Variants in DOCK1 observed in about 807,000 individuals in gnomAD.
DOCK1 encodes dedicator of cytokinesis protein 1.
A neutral mutation model predicts 262.7 loss-of-function variants in DOCK1; 138 were observed. The observed-to-expected ratio is 0.53, with a 90% confidence interval of 0.46 to 0.61. The LOEUF (loss-of-function observed/expected upper bound fraction) is 0.61, where lower values mean the gene tolerates loss of function less well. DOCK1 is among the 20% of genes least tolerant of loss of function. DOCK1 has a pLI of 0.00. For synonymous variants in DOCK1, 866 were observed against 867.4 expected (o/e 1.00, Z 0.03); for missense variants, 1,908 against 2,370.7 (o/e 0.80, Z 4.05).
intron 1 of DOCK1, among the ~76,000 whole-genome samples, chr10:126,906,489 C>T (rs958466096): frequency 1.3e-5 from 2 of 152,180 alleles, no homozygotes; most frequent in Non-Finnish European, 2.9e-5. Context: ...GGGATCTTCC[C>T]AGTTGGTTTT....
At chr10:127,026,757 C>T (rs1353319993) in intron 16 of DOCK1, among the ~76,000 whole-genome samples, 1 of 152,188 alleles carries the variant, frequency 6.6e-6, no homozygotes, top group African/African-American at 2.4e-5. Context: ...AACATGGGCT[C>T]TTAAGGTGCC....
chr10:127,143,539 G>A (rs917313551), intron 27 of DOCK1, among the ~76,000 whole-genome samples: 19 of 152,196 alleles, frequency 1.2e-4, no homozygotes, highest in African/African-American at 4.6e-4. Flanking sequence ...GGCCCAGGAG[G>A]GCAGGTGCAC....
intron 28 of DOCK1, among the ~76,000 whole-genome samples, chr10:127,253,199 C>G (rs963193343): frequency 7.9e-5 from 12 of 152,204 alleles, no homozygotes; most frequent in African/African-American, 2.9e-4. Flanking sequence ...GTCTCAGTAA[C>G]AGAAGCAGAG....
intron 23 of DOCK1, among the ~76,000 whole-genome samples, chr10:127,072,333 C>T (rs1248053389): frequency 1.3e-5 from 2 of 152,204 alleles, no homozygotes; most frequent in African/African-American, 4.8e-5. Context: ...CACAGATACG[C>T]TCTGTATTCT....
chr10:126,965,809 A>G (rs2037631888), intron 1 of DOCK1, among the ~76,000 whole-genome samples: 1 of 152,172 alleles, frequency 6.6e-6, no homozygotes, highest in Non-Finnish European at 1.5e-5. Flanking sequence ...TTCATGTGGT[A>G]CATATGAAGT....
chr10:127,163,247 G>A (rs1457029877), intron 27 of DOCK1, among the ~76,000 whole-genome samples: 4 of 152,192 alleles, frequency 2.6e-5, no homozygotes, highest in Non-Finnish European at 4.4e-5. Context: ...CGGGGCTTGA[G>A]GTGCATCAGC....
chr10:126,994,634 G>A (rs912262891), intron 6 of DOCK1, among the ~76,000 whole-genome samples: 1 of 152,266 alleles, frequency 6.6e-6, no homozygotes, highest in East Asian at 1.9e-4. Context: ...CACGGGGTTG[G>A]GGGTAACGTC....
intron 12 of DOCK1, among the ~76,000 whole-genome samples, chr10:127,017,725 G>GC (rs1554974153): frequency 6.6e-5 from 10 of 152,224 alleles, no homozygotes; most frequent in Admixed American, 6.5e-4. Context: ...CAAGCAGGCA[G>GC]CCCCCCCTGA....
chr10:126,980,479 G>A (rs751435122), intron 3 of DOCK1, among the ~76,000 whole-genome samples: 1 of 152,146 alleles, frequency 6.6e-6, no homozygotes, highest in Non-Finnish European at 1.5e-5. Flanking sequence ...GCCGGTTGCA[G>A]GTGTGCACCT....
chr10:127,032,838 C>T (rs1038490673), intron 18 of DOCK1, among the ~76,000 whole-genome samples: 7 of 152,208 alleles, frequency 4.6e-5, no homozygotes, highest in Admixed American at 1.3e-4. Flanking sequence ...ATTACAGGCA[C>T]GAGCCACTGT....
chr10:127,082,858 C>T (rs907521515), intron 23 of DOCK1, among the ~76,000 whole-genome samples: 2 of 152,140 alleles, frequency 1.3e-5, no homozygotes, highest in African/African-American at 4.8e-5. Context: ...GTACACAGCC[C>T]CAAGCACAAA....
chr10:126,922,885 C>T (rs1404168419), intron 1 of DOCK1, among the ~76,000 whole-genome samples: 11 of 152,030 alleles, frequency 7.2e-5, no homozygotes, highest in African/African-American at 1.7e-4. Flanking sequence ...CTGAGGTGGG[C>T]GGAGCACCTG....
At chr10:127,342,383 G>A (rs2063472499) in intron 30 of DOCK1, among the ~76,000 whole-genome samples, 1 of 152,118 alleles carries the variant, frequency 6.6e-6, no homozygotes, top group Admixed American at 6.6e-5. Flanking sequence ...CTCTGAGGTT[G>A]GGGGTGCCTG....
intron 43 of DOCK1, 79 bp from the exon 44 acceptor site, chr10:127,415,073 A>G (rs1006114223): frequency 1.5e-5 from 20 of 1,357,366 alleles, no homozygotes; most frequent in Non-Finnish European, 2.0e-5. Flanking sequence ...GAGTTATTCT[A>G]TAAATCCCCC....
intron 28 of DOCK1, among the ~76,000 whole-genome samples, chr10:127,250,913 G>A (rs1163928294): frequency 6.6e-6 from 1 of 150,858 alleles, no homozygotes; most frequent in Non-Finnish European, 1.5e-5. Context: ...TTTGTAAAAT[G>A]TGTTTCTGTT....
chr10:127,441,703 C>G (rs1423855696), intron 49 of DOCK1, among the ~76,000 whole-genome samples: 1 of 149,746 alleles, frequency 6.7e-6, no homozygotes, highest in Non-Finnish European at 1.5e-5. Flanking sequence ...CCCCCCACCA[C>G]CCCCACTGTA....
chr10:127,430,694 A>C (rs939751421), intron 47 of DOCK1, among the ~76,000 whole-genome samples: 1 of 149,450 alleles, frequency 6.7e-6, no homozygotes, highest in African/African-American at 2.5e-5. Flanking sequence ...TTTGTATAGC[A>C]TCTGGAAAGG....
At chr10:127,158,184 A>G (rs556110838) in intron 27 of DOCK1, among the ~76,000 whole-genome samples, 1 of 152,348 alleles carries the variant, frequency 6.6e-6, no homozygotes, top group South Asian at 2.1e-4. Context: ...GAGTGCTGTT[A>G]TGGAATTTCC....
intron 42 of DOCK1, 97 bp downstream of exon 42, chr10:127,409,488 C>A: frequency 7.5e-7 from 1 of 1,327,486 alleles, no homozygotes; most frequent in Non-Finnish European, 1.1e-6. Flanking sequence ...CGGACTTTGG[C>A]CATGGATTCG....
Sources: allele counts gnomAD v4.1 joint callset (sites outside exome capture counted in the v4.1 genomes callset), GRCh38; gene constraint gnomAD v4.1.1; transcripts MANE v1.5; gene names NCBI Gene and HGNC (gene_info 2026-07-23, HGNC 2026-07-21).